LMBRD1: variants seen among roughly 807,000 people sequenced by gnomAD.
LMBRD1 encodes the protein LMBR1 domain containing 1.
A neutral mutation model predicts 74.8 loss-of-function variants in LMBRD1; 64 were observed. The ratio of observed to expected loss-of-function variants is 0.86; its 90% CI spans 0.70 to 1.05. LMBRD1 has a LOEUF of 1.05. Among genes scored for constraint, LMBRD1 ranks in the 50% least tolerant of loss-of-function variants. LMBRD1 has a pLI of 0.00. For synonymous variants in LMBRD1, 204 were observed against 216.3 expected, an observed-to-expected ratio of 0.94 and a Z score of 0.50; for missense variants, 652 against 645.9, an observed-to-expected ratio of 1.01 and a Z score of -0.10.
chr6:69,752,475 C>G, intron 3 of LMBRD1, 119 bp from the exon 4 acceptor site: 1 of 807,298 alleles, frequency 1.2e-6, no homozygotes, highest in Non-Finnish European at 2.0e-6. Context: ...ATTCCCTCTT[C>G]TCATAACTCT....
At position 69,676,018 on chromosome 6, in the gene LMBRD1, A is replaced by G. The variant is rs538974360; in HGVS notation, c.*140T>C. 2.9e-6 allele frequency: 2 copies of G among 678,010 alleles called. No individual in the cohort carries two copies. Among genetic ancestry groups the G allele is most frequent in the South Asian group, 3.3e-5 (2 of 60,362 alleles). The allele number at this position is 678,010 out of a possible 1,614,324, so 42.0% of individuals were successfully genotyped here. On this transcript the variant is annotated 3_prime_UTR_variant, in exon 16 of 16. Coordinates refer to ENST00000649934, the MANE Select transcript of LMBRD1 (RefSeq NM_018368.4). Reference sequence around the variant, plus strand: ...GATACAATGTTACTTCAGAAAACATATAATAAAATATAGTTGTCTTATAGC... The same window carrying G: ...GATACAATGTTACTTCAGAAAACATGTAATAAAATATAGTTGTCTTATAGC...
chr6:69,674,886 T>A lies in LMBRD1; in HGVS notation c.*1272A>T, dbSNP rs1201707562. ...TACTCAGGAGGCTGAGGCAGGAGAA[T>A]TGCTTGAATGCATGAAGGGGAGGTT... is the stretch of plus-strand genomic sequence containing the variant. On this transcript the variant is annotated 3_prime_UTR_variant, in exon 16 of 16. Transcript: ENST00000649934. Among the ~76,000 whole-genome samples the A allele has an allele frequency of 6.6e-6, 1 of 152,048 alleles. No homozygotes were observed. The highest frequency in any genetic ancestry group is 2.4e-5 in the African/African-American group (1 of 41,402).
chr6:69,707,532 C>G (rs1233471476), intron 9 of LMBRD1, among the ~76,000 whole-genome samples: 1 of 151,932 alleles, frequency 6.6e-6, no homozygotes, highest in Non-Finnish European at 1.5e-5. Context: ...TTATTGTTTC[C>G]ATTTGTCTAG....
At chr6:69,753,896 G>A (rs1032512894) in intron 3 of LMBRD1, among the ~76,000 whole-genome samples, 4 of 151,412 alleles carry the variant, frequency 2.6e-5, no homozygotes, top group South Asian at 2.1e-4. Context: ...AGCCGAGATC[G>A]CGCCACTGCA....
chr6:69,722,959 A>C (rs1276735132), intron 7 of LMBRD1, among the ~76,000 whole-genome samples: 2 of 152,300 alleles, frequency 1.3e-5, no homozygotes, highest in Non-Finnish European at 2.9e-5. Context: ...TTCACCTACA[A>C]AGACATACAG....
At chr6:69,703,124 C>T (rs566693651) in intron 9 of LMBRD1, among the ~76,000 whole-genome samples, 15 of 151,944 alleles carry the variant, frequency 9.9e-5, no homozygotes, top group South Asian at 2.1e-4. Flanking sequence ...GCTAGGATTC[C>T]GCAAGAGAAT....
chr6:69,676,431 GT>G lies in LMBRD1; in HGVS notation c.1509+18del, dbSNP rs1562078750. 3.7e-6 allele frequency: 6 copies of G among 1,600,084 alleles called. No homozygotes were observed. The highest frequency in any genetic ancestry group is 3.3e-5 in the South Asian group (3 of 90,800). Reference sequence around the variant, plus strand: ...TTTATAAAGGAAGGTCAAATCACGCGTGGGATATCTGCACTTACCCCAAGAA... The same window carrying G: ...TTTATAAAGGAAGGTCAAATCACGCGGGGATATCTGCACTTACCCCAAGAA... On this transcript the variant is annotated intron_variant, in intron 15 of 15. Coordinates refer to ENST00000649934, the MANE Select transcript of LMBRD1 (RefSeq NM_018368.4).
intron 14 of LMBRD1, among the ~76,000 whole-genome samples, chr6:69,677,202 G>A (rs748735810): frequency 1.3e-4 from 20 of 152,126 alleles, no homozygotes; most frequent in South Asian, 4.1e-4. Flanking sequence ...ATAACCAAAT[G>A]GTAACAGACT....
chr6:69,794,151 C>T (rs540872476), intron 1 of LMBRD1, among the ~76,000 whole-genome samples: 48 of 152,170 alleles, frequency 3.2e-4, no homozygotes, highest in African/African-American at 1.2e-3. Flanking sequence ...TACTAAGATG[C>T]TATTTGCCTT....
chr6:69,738,463 T>A (rs1377943229), intron 6 of LMBRD1, among the ~76,000 whole-genome samples: 1 of 152,144 alleles, frequency 6.6e-6, no homozygotes, highest in African/African-American at 2.4e-5. Flanking sequence ...TTCTTAATTT[T>A]CAAATTGGTT....
intron 9 of LMBRD1, chr6:69,706,178 T>A (rs1766253414): frequency 8.4e-6 from 4 of 477,718 alleles, no homozygotes; most frequent in Non-Finnish European, 1.2e-5. Context: ...CAGCACACAC[T>A]TAGGTGGGAG....
chr6:69,751,749 T>A (rs912393779), intron 4 of LMBRD1, among the ~76,000 whole-genome samples: 1 of 152,256 alleles, frequency 6.6e-6, no homozygotes, highest in Non-Finnish European at 1.5e-5. Context: ...ATCTTCTGTT[T>A]TACTGGATCA....
chr6:69,731,609 G>A (rs1438980722), intron 7 of LMBRD1, among the ~76,000 whole-genome samples: 1 of 151,994 alleles, frequency 6.6e-6, no homozygotes, highest in African/African-American at 2.4e-5. Flanking sequence ...AAATAGGCTT[G>A]GTGTTAGATA....
chr6:69,742,842 ACT>A (rs900760467), intron 5 of LMBRD1, among the ~76,000 whole-genome samples: 2 of 152,182 alleles, frequency 1.3e-5, no homozygotes, highest in Admixed American at 6.5e-5. Flanking sequence ...GCTACTGATA[ACT>A]CTTATTTAAA....
intron 9 of LMBRD1, among the ~76,000 whole-genome samples, chr6:69,704,651 T>C (rs1766209192): frequency 7.5e-6 from 1 of 134,130 alleles, no homozygotes; most frequent in Non-Finnish European, 1.6e-5. Context: ...TTCCTTTTAA[T>C]GAAGTTAGGT....
intron 14 of LMBRD1, 56 bp from the exon 15 acceptor site, chr6:69,676,597 T>C (rs931670978): frequency 2.9e-5 from 37 of 1,289,160 alleles, no homozygotes; most frequent in Admixed American, 1.2e-4. Context: ...AAATTGATGA[T>C]TAATACTTTC....
At chr6:69,764,942 T>A (rs78270761) in intron 3 of LMBRD1, among the ~76,000 whole-genome samples, 1 of 140,820 alleles carries the variant, frequency 7.1e-6, no homozygotes, top group Non-Finnish European at 1.6e-5. Flanking sequence ...TTTTTTTTTT[T>A]AATTTGAGAT....
intron 9 of LMBRD1, chr6:69,705,937 G>A: frequency 8.4e-7 from 1 of 1,193,962 alleles, no homozygotes; most frequent in Non-Finnish European, 1.2e-6. Context: ...AGTTGCCAGT[G>A]TTACTTTAAT....
chr6:69,719,148 T>A (rs1003163089), intron 7 of LMBRD1, 67 bp from the exon 8 acceptor site: 60 of 1,485,848 alleles, frequency 4.0e-5, no homozygotes, highest in Non-Finnish European at 5.0e-5. Flanking sequence ...AATTTTAGGT[T>A]AAAAATGTCT....
Sources: gnomAD v4.1 joint callset for allele counts (sites outside exome capture counted in the v4.1 genomes callset) on GRCh38, gnomAD v4.1.1 for gene constraint, MANE v1.5 for transcripts, NCBI Gene and HGNC (gene_info 2026-07-23, HGNC 2026-07-21) for gene names.